The following MYH10 variants were observed in gnomAD, a reference collection of about 807,000 sequenced individuals.
MYH10 encodes the protein myosin-10.
In MYH10, 55 loss-of-function variants were observed where a neutral mutation model predicts 257.8. That is an observed-to-expected ratio of 0.21 (90% CI 0.17 to 0.27). The LOEUF (loss-of-function observed/expected upper bound fraction) is 0.27, where lower values mean the gene tolerates loss of function less well. Among genes scored for constraint, MYH10 ranks in the 10% least tolerant of loss-of-function variants. The probability of loss-of-function intolerance (pLI) is 1.00; values close to 1 mark genes in which losing one functional copy is unlikely to be tolerated. For missense variants in MYH10, 1,631 were observed against 2,500.6 expected (o/e 0.65, Z 7.42); for synonymous variants, 854 against 921.7 (o/e 0.93, Z 1.33).
chr17:8,534,753 T>C (rs2082094357), intron 16 of MYH10, among the ~76,000 whole-genome samples: 1 of 152,228 alleles, frequency 6.6e-6, no homozygotes. Context: ...GGATGAAATG[T>C]AGCAGGTGAG....
chr17:8,486,926 A>G (rs1914911921), intron 36 of MYH10, among the ~76,000 whole-genome samples: 2 of 152,224 alleles, frequency 1.3e-5, no homozygotes, highest in Admixed American at 6.5e-5. Context: ...GGTCAAAGGA[A>G]AAGTTTTCAT....
At chr17:8,587,498 T>C (rs148452525) in intron 4 of MYH10, among the ~76,000 whole-genome samples, 7 of 152,218 alleles carry the variant, frequency 4.6e-5, no homozygotes, top group African/African-American at 1.7e-4. Flanking sequence ...ACCATTAGAT[T>C]AGAATTTTCT....
Position 8,490,217 on chromosome 17 carries a change from T to A in MYH10, c.4884+123A>T. On this transcript the variant is annotated intron_variant, in intron 35 of 42. Coordinates refer to ENST00000360416, the MANE Select transcript of MYH10 (RefSeq NM_001256012.3). The surrounding 1 kb of genome is among the most constrained non-coding windows in gnomAD (Gnocchi z 4.1). The stretch of plus-strand genomic sequence containing the variant: ...CTCAAATGACCAAATAAATTCATTT[T>A]ACTCTATGTGTTACTCTGTGTTTAC... 1 of 779,654 alleles carries A rather than the reference T, an allele frequency of 1.3e-6. No individual in the cohort carries two copies. The highest frequency in any genetic ancestry group is 1.7e-5 in the South Asian group (1 of 59,730). The allele number at this position is 779,654 out of a possible 1,614,324, so 48.3% of individuals were successfully genotyped here. A position where few individuals can be genotyped will look rare whatever the true frequency, so the allele number is the denominator to read the frequency against.
chr17:8,601,706 C>T (rs1288232946), intron 3 of MYH10, among the ~76,000 whole-genome samples: 2 of 152,124 alleles, frequency 1.3e-5, no homozygotes, highest in African/African-American at 2.4e-5. Flanking sequence ...GTCAAGTTTA[C>T]GTCTAAGAAC....
Position 8,581,717 on chromosome 17 carries a change from T to C in MYH10, c.531-4379A>G, listed in dbSNP as rs532762568. ...ATACATAGGGTTGTTGAAGAAAAAA[T>C]ACAGCTCAACTAAAGCATATAGATG... is the stretch of plus-strand genomic sequence containing the variant. On this transcript the variant is annotated intron_variant, in intron 4 of 42. Coordinates refer to ENST00000360416, the MANE Select transcript of MYH10 (RefSeq NM_001256012.3). Among the ~76,000 whole-genome samples, 8 of 152,296 alleles carry C rather than the reference T, an allele frequency of 5.3e-5. No homozygotes were observed. The South Asian group carries it at 1.7e-3, about 32-fold the overall frequency.
rs1597576383 is a variant in MYH10 at position 8,475,674 on chromosome 17, G to A, written c.*130C>T. 1.8e-6 allele frequency: 2 copies of A among 1,097,316 alleles called. No individual in the cohort carries two copies. Among genetic ancestry groups the A allele is most frequent in the East Asian group, 2.4e-5 (1 of 42,038 alleles). 68.0% of individuals were successfully genotyped at this position (1,097,316 alleles called of 1,614,324 possible). A position where few individuals can be genotyped will look rare whatever the true frequency, so the allele number is the denominator to read the frequency against. On this transcript the variant is annotated 3_prime_UTR_variant, in exon 43 of 43. Coordinates refer to ENST00000360416, the MANE Select transcript of MYH10 (RefSeq NM_001256012.3). ...AAGCAGGATACAGTATGCATAGGCT[G>A]GAGAGCCTTAAGACACAGTTGATCT...
chr17:8,602,907 T>C (rs1342113021), intron 3 of MYH10, among the ~76,000 whole-genome samples: 1 of 152,198 alleles, frequency 6.6e-6, no homozygotes, highest in Non-Finnish European at 1.5e-5. Flanking sequence ...ACACAGTAAT[T>C]TTCAATAAAT....
chr17:8,509,670 G>A, intron 25 of MYH10, 142 bp downstream of exon 25: 1 of 709,620 alleles, frequency 1.4e-6, no homozygotes. Context: ...TACAAGTAGA[G>A]ACTTACAGAG....
At position 8,492,758 on chromosome 17, in the gene MYH10, G is replaced by T; in HGVS notation, c.4458+18C>A. Reference sequence around the variant, plus strand: ...AGCAAGAGCTCTGCCAGGAGGAAACGACACGTGGCCGACCCACCTGGTCAA... The same window carrying T: ...AGCAAGAGCTCTGCCAGGAGGAAACTACACGTGGCCGACCCACCTGGTCAA... On this transcript the variant is annotated intron_variant, in intron 33 of 42. Transcript: ENST00000360416. The T allele has an allele frequency of 1.2e-6, 2 of 1,608,870 alleles. No individual in the cohort carries two copies. The highest frequency in any genetic ancestry group is 2.2e-5 in the South Asian group (2 of 90,482).
intron 7 of MYH10, among the ~76,000 whole-genome samples, chr17:8,557,593 C>T (rs2082847011): frequency 6.6e-6 from 1 of 152,192 alleles, no homozygotes; most frequent in South Asian, 2.1e-4. Context: ...TTGATATACT[C>T]AGGCACTATG....
chr17:8,541,975 CT>C (rs2082303383), intron 14 of MYH10, 131 bp downstream of exon 14: 2 of 912,118 alleles, frequency 2.2e-6, no homozygotes, highest in African/African-American at 1.7e-5. Flanking sequence ...AGAGTATCAC[CT>C]TCCTAGAAAA....
intron 16 of MYH10, among the ~76,000 whole-genome samples, chr17:8,531,562 T>C (rs1188328558): frequency 6.6e-6 from 1 of 151,570 alleles, no homozygotes; most frequent in African/African-American, 2.4e-5. Context: ...TTTTCTTTTT[T>C]TTTTTTTCAG....
chr17:8,524,893 C>T (rs1185249735), intron 17 of MYH10, among the ~76,000 whole-genome samples: 1 of 152,212 alleles, frequency 6.6e-6, no homozygotes, highest in Non-Finnish European at 1.5e-5. Flanking sequence ...GTCAGACACA[C>T]CACACTCATG....
At chr17:8,557,767 A>C (rs575867342) in intron 7 of MYH10, among the ~76,000 whole-genome samples, 2 of 152,230 alleles carry the variant, frequency 1.3e-5, no homozygotes, top group Non-Finnish European at 2.9e-5. Context: ...CTGATGCTAC[A>C]TAAGTTATCA....
chr17:8,578,377 G>A (rs927798298), intron 4 of MYH10, among the ~76,000 whole-genome samples: 2 of 151,632 alleles, frequency 1.3e-5, no homozygotes, highest in African/African-American at 4.8e-5. Context: ...CAAGTAGCTA[G>A]GACCATAGGC....
chr17:8,535,240 C>T lies in MYH10; in HGVS notation c.1894+147G>A, dbSNP rs146575931. 34 of 561,234 alleles carry T rather than the reference C, an allele frequency of 6.1e-5. No individual in the cohort carries two copies. Among genetic ancestry groups the T allele is most frequent in the Non-Finnish European group, 8.9e-5 (29 of 327,468 alleles). 34.8% of individuals were successfully genotyped at this position (561,234 alleles called of 1,614,324 possible). On this transcript the variant is annotated intron_variant, in intron 16 of 42. Transcript: ENST00000360416. This position sits in a 1 kb window ranked among gnomAD's most constrained non-coding sequence, Gnocchi z 4.3. The stretch of plus-strand genomic sequence containing the variant: ...AAGTATTGTTAAAACGGATAAATTC[C>T]GATATAACGGCAGCCCTGCTCTAGG...
intron 4 of MYH10, among the ~76,000 whole-genome samples, chr17:8,586,450 A>T (rs562391164): frequency 6.6e-6 from 1 of 152,356 alleles, no homozygotes; most frequent in African/African-American, 2.4e-5. Context: ...TTAACAGTAG[A>T]ATCTAGGTGG....
At chr17:8,582,077 AATG>A (rs549820620) in intron 4 of MYH10, among the ~76,000 whole-genome samples, 1 of 152,172 alleles carries the variant, frequency 6.6e-6, no homozygotes, top group Non-Finnish European at 1.5e-5. Flanking sequence ...GATAATGATC[AATG>A]ATGATGATGA....
rs2063328728 is a variant in MYH10, at chr17:8,535,281, A to C, written c.1894+106T>G. ...CTGCTCTAGGGAAAGAAAGATTTTA[A>C]AGTAAGAAGTTATATGTATCCATAT... On this transcript the variant is annotated intron_variant, in intron 16 of 42. Coordinates refer to ENST00000360416, the MANE Select transcript of MYH10 (RefSeq NM_001256012.3). This position sits in a 1 kb window ranked among gnomAD's most constrained non-coding sequence, Gnocchi z 4.3. 2.6e-6 allele frequency: 2 copies of C among 758,106 alleles called. No homozygotes were observed. Among genetic ancestry groups the C allele is most frequent in the Admixed American group, 3.0e-5 (1 of 33,420 alleles). 47.0% of individuals were successfully genotyped at this position (758,106 alleles called of 1,614,324 possible).
Sources: allele counts gnomAD v4.1 joint callset (sites outside exome capture counted in the v4.1 genomes callset), GRCh38; gene constraint gnomAD v4.1.1; non-coding constraint Gnocchi (gnomAD v3.1); transcripts MANE v1.5; gene names NCBI Gene and HGNC (gene_info 2026-07-23, HGNC 2026-07-21).